Variants in FAM234A observed in about 807,000 individuals in gnomAD.
The protein encoded by FAM234A is family with sequence similarity 234 member A, also known as protein FAM234A.
In FAM234A, 42 loss-of-function variants were observed where a neutral mutation model predicts 49.1. That is an observed-to-expected ratio of 0.86 (90% CI 0.67 to 1.11). The LOEUF is 1.11. FAM234A is among the 50% of genes least tolerant of loss of function. The probability of loss-of-function intolerance (pLI) is 0.00; values close to 1 mark genes in which losing one functional copy is unlikely to be tolerated. For missense variants in FAM234A, 815 were observed against 745.2 expected (o/e 1.09, Z -1.09); for synonymous variants, 369 against 316.2 (o/e 1.17, Z -1.77).
At chr16:260,640 T>A (rs1477147613) in intron 5 of FAM234A, 2 of 472,620 alleles carry the variant, frequency 4.2e-6, no homozygotes, top group Non-Finnish European at 8.8e-6. Flanking sequence ...AAAGAATGCG[T>A]GGTGCACGGG....
At chr16:269,525 T>A, downstream of FAM234A, 1 of 1,613,218 alleles carries the variant, frequency 6.2e-7, no homozygotes, top group Non-Finnish European at 8.5e-7. Context: ...TCCAGCGGGA[T>A]CCCAGCCTCT....
At position 264,995 on chromosome 16, in the gene FAM234A, C is replaced by G; in HGVS notation, c.1632C>G (p.Ser544=). The G allele has an allele frequency of 1.9e-6, 3 of 1,610,474 alleles. No individual in the cohort carries two copies. The highest frequency in any genetic ancestry group is 2.5e-6 in the Non-Finnish European group (3 of 1,178,348). ...DSDQAIRDRF[S]RLRYQSEA ...ACCAAGCCATCAGGGACCGGTTCTC[C>G]CGGCTGCGGTACCAGAGTGAGGCGT... is the stretch of plus-strand genomic sequence containing the variant. The change falls in exon 13 of 13, where the codon TCC becomes TCG. Residue 544 remains serine, a synonymous_variant. Coordinates refer to ENST00000399932, the MANE Select transcript of FAM234A (RefSeq NM_032039.4).
downstream of FAM234A, chr16:268,947 C>G (rs1291406781): frequency 7.1e-6 from 11 of 1,550,068 alleles, no homozygotes; most frequent in South Asian, 1.3e-4. Context: ...GCACCCAGTG[C>G]TGGACTGAAG....
Position 264,800 on chromosome 16 carries a change from C to T in FAM234A, c.1448-11C>T. The T allele has an allele frequency of 6.2e-7, 1 of 1,607,860 alleles. No homozygotes were observed. ...TGAGCCGCCCTGACAGCTGTGTCCC[C>T]CACCCTGCAGCCGTCCTGTTTGAGC... On this transcript the variant is annotated splice_polypyrimidine_tract_variant and intron_variant, in intron 12 of 12. Transcript: ENST00000399932.
intron 1 of FAM234A, among the ~76,000 whole-genome samples, chr16:241,387 G>C (rs1163486766): frequency 1.3e-5 from 2 of 152,062 alleles, no homozygotes; most frequent in Non-Finnish European, 2.9e-5. Context: ...TTACAGAGGA[G>C]CCTGGGCAAC....
In FAM234A at chr16:262,215, C is replaced by G; in HGVS notation, c.831C>G (p.Leu277=). The change falls in exon 7 of 13, where the codon CTC becomes CTG. Residue 277 remains leucine (L), a synonymous_variant. Transcript: ENST00000399932. The part of the protein sequence containing the change: ...HVTRTGAHYI[L]FPCASSLCGC... Reference sequence around the variant, plus strand: ...CCAGGACAGGTGCCCACTACATCCTCTTTCCCTGCGGTACGTTGTTTCTGC... The same window carrying G: ...CCAGGACAGGTGCCCACTACATCCTGTTTCCCTGCGGTACGTTGTTTCTGC... The G allele has an allele frequency of 6.2e-7, 1 of 1,614,002 alleles. No homozygotes were observed. The highest frequency in any genetic ancestry group is 8.5e-7 in the Non-Finnish European group (1 of 1,180,008).
At chr16:235,519 C>T (rs2050369107) in intron 1 of FAM234A, among the ~76,000 whole-genome samples, 1 of 152,142 alleles carries the variant, frequency 6.6e-6, no homozygotes, top group African/African-American at 2.4e-5. Context: ...AGAGAGTTTG[C>T]CCTTGGACAG....
At position 263,371 on chromosome 16, in the gene FAM234A, C is replaced by G; in HGVS notation, c.1081C>G (p.Arg361Gly). The part of the protein sequence containing the change: ...VLLDGQELTP[R>G]WTPKAAHVLR... ...GCTGGACGGGCAGGAGCTGACGCCT[C>G]GCTGGACACCCAAGGCAGCCCATGT... The change falls in exon 9 of 13, where the codon CGC becomes GGC. Residue 361 changes from arginine to glycine, a missense_variant. Physicochemically the swap from Arg to Gly is moderately radical, Grantham distance 125. Transcript: ENST00000399932. 2 of 1,611,686 alleles carry G rather than the reference C, an allele frequency of 1.2e-6. No homozygotes were observed.
chr16:254,165 C>T (rs994758754), intron 2 of FAM234A: 1 of 524,220 alleles, frequency 1.9e-6, no homozygotes, highest in Non-Finnish European at 3.4e-6. Context: ...CTCTCCACAG[C>T]TAACTCGCCT....
chr16:250,305 C>T (rs936612924), intron 2 of FAM234A, among the ~76,000 whole-genome samples: 3 of 152,170 alleles, frequency 2.0e-5, no homozygotes, highest in Admixed American at 6.5e-5. Flanking sequence ...AATTAATGGC[C>T]GTCTCCTCTT....
At chr16:269,338 A>G (rs778077060), downstream of FAM234A, 6 of 1,603,132 alleles carry the variant, frequency 3.7e-6, no homozygotes, top group African/African-American at 5.3e-5. Flanking sequence ...GAAGGAGTGC[A>G]GGGCTGGGGC....
chr16:269,481 A>G (rs772666490), downstream of FAM234A: 33 of 1,611,214 alleles, frequency 2.0e-5, no homozygotes, highest in Non-Finnish European at 2.7e-5. Context: ...GCCGCCGGCC[A>G]CAGGGCACTG....
At chr16:244,939 G>A (rs561312847) in intron 1 of FAM234A, among the ~76,000 whole-genome samples, 61 of 151,748 alleles carry the variant, frequency 4.0e-4, no homozygotes, top group African/African-American at 1.4e-3. Flanking sequence ...TGATCTGCCC[G>A]CCTCAGCCTC....
chr16:269,368 CG>C (rs1037351234), downstream of FAM234A: 2 of 1,602,950 alleles, frequency 1.2e-6, no homozygotes, highest in Admixed American at 3.4e-5. Context: ...GTGGCCTCCA[CG>C]TAAACGGGAA....
Position 254,554 on chromosome 16 carries a change from C to T in FAM234A, c.141C>T (p.Cys47=). Residue 47 remains cysteine, a synonymous_variant, in exon 3 of 13, where the codon TGC becomes TGT. Coordinates refer to ENST00000399932, the MANE Select transcript of FAM234A (RefSeq NM_032039.4). ...CTCCACAGTCCCGGCTCTCCCGGTG[C>T]CGAGCGGCGGCGTTTTTTCTTTCAT... ...SAPPQSRLSR[C]RAAAFFLSLF... 1 of 1,614,198 alleles carries T rather than the reference C, an allele frequency of 6.2e-7. No homozygotes were observed. Among genetic ancestry groups the T allele is most frequent in the Non-Finnish European group, 8.5e-7 (1 of 1,180,038 alleles).
chr16:268,795 G>A (rs761134807), downstream of FAM234A: 154 of 1,550,326 alleles, frequency 9.9e-5, no homozygotes, highest in Admixed American at 6.5e-4. Flanking sequence ...GGGCGACAGC[G>A]GAGAGGCTCT....
In FAM234A at chr16:264,646, G is replaced by A. The variant is rs559027736; in HGVS notation, c.1377G>A (p.Met459Ile). The change falls in exon 12 of 13, where the codon ATG becomes ATA. Residue 459 changes from methionine to isoleucine, a missense_variant. Physicochemically the swap from Met to Ile is conservative, Grantham distance 10. Coordinates refer to ENST00000399932, the MANE Select transcript of FAM234A (RefSeq NM_032039.4). ...ETGEARHSLY[M>I]FHPTLPRVLL... is the part of the protein sequence containing the mutation. ...GGGAGGCCCGGCACAGCCTGTACAT[G>A]TTCCACCCCACCCTGCCGCGCGTGC... 2 of 1,611,750 alleles carry A rather than the reference G, an allele frequency of 1.2e-6. No homozygotes were observed. Among genetic ancestry groups the A allele is most frequent in the South Asian group, 2.2e-5 (2 of 91,082 alleles).
At chr16:246,421 T>TTC (rs1298410188) in intron 1 of FAM234A, among the ~76,000 whole-genome samples, 1 of 124,112 alleles carries the variant, frequency 8.1e-6, no homozygotes, top group Non-Finnish European at 1.7e-5. Flanking sequence ...TGGTGGCTTT[T>TTC]TTTTTTTTTT....
Position 243,828 on chromosome 16 carries a change from T to C in FAM234A, c.-139-5721T>C, listed in dbSNP as rs531727955. Among the ~76,000 whole-genome samples, 3 of 152,322 alleles carry C rather than the reference T, an allele frequency of 2.0e-5. No homozygotes were observed. The East Asian group carries it at 5.8e-4, about 29-fold the overall frequency. On this transcript the variant is annotated intron_variant, in intron 1 of 12. Coordinates refer to ENST00000399932, the MANE Select transcript of FAM234A (RefSeq NM_032039.4). ...GTATAGCAGTAAGAGTTCCCACCCC[T>C]TGGGGCATTTTCATTGTCACCACAT...
Sources: allele counts gnomAD v4.1 joint callset (sites outside exome capture counted in the v4.1 genomes callset), GRCh38; gene constraint gnomAD v4.1.1; transcripts MANE v1.5; gene names NCBI Gene and HGNC (gene_info 2026-07-23, HGNC 2026-07-21).